The following TANC2 variants were observed in gnomAD, a reference collection of about 807,000 sequenced individuals.
The protein encoded by TANC2 is tetratricopeptide repeat, ankyrin repeat and coiled-coil containing 2, also known as protein TANC2.
A neutral mutation model predicts 210.5 loss-of-function variants in TANC2; 26 were observed. That is an observed-to-expected ratio of 0.12 (90% CI 0.09 to 0.17). The LOEUF (loss-of-function observed/expected upper bound fraction) is 0.17. Ranked by LOEUF, TANC2 falls within the 10% of genes least tolerant of loss-of-function variation. The pLI, the probability that TANC2 is intolerant of heterozygous loss-of-function variation, is 1.00. For missense variants in TANC2, 2,129 were observed against 2,608.9 expected (o/e 0.82, Z 4.01); for synonymous variants, 931 against 967.1 (o/e 0.96, Z 0.69).
At chr17:62,986,495 C>T (rs1050083616) in intron 1 of TANC2, among the ~76,000 whole-genome samples, 3 of 151,914 alleles carry the variant, frequency 2.0e-5, no homozygotes, top group South Asian at 2.1e-4. Context: ...TGGTCTGGTC[C>T]GGGGATATAT....
intron 14 of TANC2, among the ~76,000 whole-genome samples, chr17:63,359,827 A>G (rs952215970): frequency 5.9e-5 from 9 of 152,212 alleles, no homozygotes; most frequent in African/African-American, 1.9e-4. Flanking sequence ...AAATCCTGTG[A>G]TGAATGGAAA....
chr17:62,987,056 T>C (rs1329977852), intron 1 of TANC2, among the ~76,000 whole-genome samples: 1 of 152,150 alleles, frequency 6.6e-6, no homozygotes, highest in African/African-American at 2.4e-5. Context: ...CTACAACATA[T>C]CAGCTACTCA....
At chr17:62,974,908 T>C (rs762580888) in intron 1 of TANC2, among the ~76,000 whole-genome samples, 21 of 152,180 alleles carry the variant, frequency 1.4e-4, no homozygotes, top group Non-Finnish European at 2.8e-4. Context: ...GTGGAAAACT[T>C]GTCATTCCAA....
chr17:63,311,932 G>A (rs2045139588), intron 9 of TANC2, among the ~76,000 whole-genome samples: 1 of 152,188 alleles, frequency 6.6e-6, no homozygotes, highest in South Asian at 2.1e-4. Flanking sequence ...CAGGGACTGG[G>A]AGGAGTGAGG....
intron 1 of TANC2, among the ~76,000 whole-genome samples, chr17:62,999,229 C>T (rs1221996498): frequency 1.3e-5 from 2 of 152,152 alleles, no homozygotes; most frequent in African/African-American, 4.8e-5. Flanking sequence ...CTCACTCCTG[C>T]TCTGGCCACT....
chr17:63,019,494 A>G (rs1449131208), intron 2 of TANC2, among the ~76,000 whole-genome samples: 3 of 152,172 alleles, frequency 2.0e-5, no homozygotes, highest in African/African-American at 7.2e-5. Context: ...CTGGGATTAC[A>G]GGTGTGAGAT....
chr17:63,111,148 C>T (rs1014858549), intron 4 of TANC2, among the ~76,000 whole-genome samples: 1 of 151,942 alleles, frequency 6.6e-6, no homozygotes, highest in African/African-American at 2.4e-5. Flanking sequence ...CCTGTTTCTA[C>T]TAAAAATACA....
chr17:63,023,696 G>A (rs2034439166), intron 2 of TANC2, among the ~76,000 whole-genome samples: 2 of 152,184 alleles, frequency 1.3e-5, no homozygotes, highest in Non-Finnish European at 2.9e-5. Flanking sequence ...CTTACAGGAG[G>A]ATGTTAGAGT....
chr17:62,996,951 T>C (rs373342338), intron 1 of TANC2, among the ~76,000 whole-genome samples: 102 of 101,526 alleles, frequency 1.0e-3, no homozygotes, highest in Middle Eastern at 5.2e-3. Context: ...GTAGCTGCGA[T>C]TACAAGTGCG....
At chr17:63,357,200 C>T (rs2046805866) in intron 14 of TANC2, among the ~76,000 whole-genome samples, 1 of 152,168 alleles carries the variant, frequency 6.6e-6, no homozygotes. Flanking sequence ...CCCAGAGAAA[C>T]TTTGCTAGCT....
At chr17:63,077,014 G>A (rs982771169) in intron 3 of TANC2, among the ~76,000 whole-genome samples, 1 of 152,088 alleles carries the variant, frequency 6.6e-6, no homozygotes, top group Non-Finnish European at 1.5e-5. Context: ...CTTAACTGAA[G>A]AGCATAAAGT....
At chr17:63,190,684 A>G (rs1441261717) in intron 5 of TANC2, among the ~76,000 whole-genome samples, 1 of 152,198 alleles carries the variant, frequency 6.6e-6, no homozygotes. Context: ...ATATCATAAC[A>G]AAATTGTCTT....
intron 2 of TANC2, among the ~76,000 whole-genome samples, chr17:63,068,876 C>T (rs908570136): frequency 6.6e-6 from 1 of 152,028 alleles, no homozygotes; most frequent in African/African-American, 2.4e-5. Context: ...TATCATTACA[C>T]TTACGTAATA....
At chr17:63,243,566 A>G (rs572401091) in intron 8 of TANC2, among the ~76,000 whole-genome samples, 1 of 152,330 alleles carries the variant, frequency 6.6e-6, no homozygotes, top group Non-Finnish European at 1.5e-5. Context: ...ATTGAACAAA[A>G]GAAGACTCAA....
chr17:63,410,349 A>AT (rs1395976418), intron 21 of TANC2, among the ~76,000 whole-genome samples: 3 of 83,980 alleles, frequency 3.6e-5, no homozygotes, highest in Admixed American at 1.3e-4. Context: ...CCCCCCCCCC[A>AT]TCTCCTAGTT....
intron 14 of TANC2, among the ~76,000 whole-genome samples, chr17:63,359,803 A>C (rs1212534039): frequency 6.6e-6 from 1 of 152,140 alleles, no homozygotes; most frequent in East Asian, 1.9e-4. Context: ...TGATTTCCTC[A>C]AATTAAAGAC....
intron 4 of TANC2, among the ~76,000 whole-genome samples, chr17:63,107,833 G>A (rs2037886285): frequency 1.3e-5 from 2 of 151,666 alleles, no homozygotes. Flanking sequence ...GATGGTATAG[G>A]TAGTGAATGC....
intron 9 of TANC2, among the ~76,000 whole-genome samples, chr17:63,298,035 TAAAAAC>T (rs2044591143): frequency 6.6e-6 from 1 of 151,910 alleles, no homozygotes; most frequent in Non-Finnish European, 1.5e-5. Context: ...ATGGCTGTAA[TAAAAAC>T]AAAAAAAACT....
intron 1 of TANC2, among the ~76,000 whole-genome samples, chr17:63,006,892 A>C (rs571763827): frequency 2.6e-5 from 4 of 152,046 alleles, no homozygotes; most frequent in African/African-American, 9.6e-5. Flanking sequence ...TTTTGTTTTA[A>C]ATGTTTTCAG....
Sources: gnomAD v4.1 joint callset for allele counts (sites outside exome capture counted in the v4.1 genomes callset) on GRCh38, gnomAD v4.1.1 for gene constraint, MANE v1.5 for transcripts, NCBI Gene and HGNC (gene_info 2026-07-23, HGNC 2026-07-21) for gene names.